PCDHGB1: variants seen among roughly 807,000 people sequenced by gnomAD.
PCDHGB1 encodes protocadherin gamma subfamily B, 1.
PCDHGB1 carries 34 observed loss-of-function variants against 56.6 expected under a neutral mutation model. That is an observed-to-expected ratio of 0.60 (90% confidence interval 0.46 to 0.80). The LOEUF (loss-of-function observed/expected upper bound fraction) is 0.80. Ranked by LOEUF, PCDHGB1 falls within the 30% of genes least tolerant of loss-of-function variation. The pLI is 0.00. For synonymous variants in PCDHGB1, 561 were observed against 505.9 expected (o/e 1.11, Z -1.46); for missense variants, 1,278 against 1,204.6 (o/e 1.06, Z -0.90).
intron 1 of PCDHGB1, chr5:141,360,586 A>G (rs1761662791): frequency 6.2e-7 from 1 of 1,613,974 alleles, no homozygotes; most frequent in Admixed American, 1.7e-5. Flanking sequence ...GCCAGGTACA[A>G]CATTTCCACT....
intron 1 of PCDHGB1, chr5:141,421,851 T>G: frequency 6.2e-7 from 1 of 1,613,714 alleles, no homozygotes; most frequent in East Asian, 2.2e-5. Context: ...AAGAGGCTGC[T>G]CACCTGCTCC....
intron 1 of PCDHGB1, chr5:141,374,195 G>T (rs1770254935): frequency 1.2e-6 from 2 of 1,613,752 alleles, no homozygotes; most frequent in East Asian, 2.2e-5. Context: ...TATTCCCGAG[G>T]AGCTGGAGAA....
intron 1 of PCDHGB1, among the ~76,000 whole-genome samples, chr5:141,445,119 T>C (rs975225604): frequency 1.3e-5 from 2 of 152,270 alleles, no homozygotes; most frequent in African/African-American, 4.8e-5. Context: ...TTGTAAATAG[T>C]ATTTTTAAAA....
At position 141,485,163 on chromosome 5, in the gene PCDHGB1, G is replaced by A. The variant is rs2099608470; in HGVS notation, c.2410-9644G>A. 14 of 1,604,624 alleles carry A rather than the reference G, an allele frequency of 8.7e-6. No individual in the cohort carries two copies. The highest frequency in any genetic ancestry group is 1.1e-5 in the Non-Finnish European group (13 of 1,172,560). ...TCTCAGGAGCAAGTAGAGAATTAGCGGGCGGCAGCAATGCTCCGCAAGGTG... is the reference window on the plus strand; with the variant it reads ...TCTCAGGAGCAAGTAGAGAATTAGCAGGCGGCAGCAATGCTCCGCAAGGTG... On this transcript the variant is annotated intron_variant, in intron 1 of 3. Coordinates refer to ENST00000523390, the MANE Select transcript of PCDHGB1 (RefSeq NM_018922.3). The surrounding 1 kb of genome is among the most constrained non-coding windows in gnomAD (Gnocchi z 5.7).
intron 1 of PCDHGB1, chr5:141,421,852 C>T: frequency 6.2e-7 from 1 of 1,613,770 alleles, no homozygotes; most frequent in South Asian, 1.1e-5. Context: ...AGAGGCTGCT[C>T]ACCTGCTCCT....
At chr5:141,361,397 C>T in intron 1 of PCDHGB1, 1 of 1,614,008 alleles carries the variant, frequency 6.2e-7, no homozygotes, top group Non-Finnish European at 8.5e-7. Flanking sequence ...TACAATCTCA[C>T]CATCACAGCC....
chr5:141,469,992 G>T (rs894673835), intron 1 of PCDHGB1, among the ~76,000 whole-genome samples: 2 of 152,056 alleles, frequency 1.3e-5, no homozygotes, highest in Non-Finnish European at 2.9e-5. Context: ...TTAGCTGGTC[G>T]TCGTGGCACG....
In PCDHGB1 at chr5:141,350,875, T is replaced by G. The variant is rs771000230; in HGVS notation, c.615T>G (p.His205Gln). The G allele has an allele frequency of 1.1e-5, 17 of 1,613,960 alleles. No homozygotes were observed. The highest frequency in any genetic ancestry group is 1.4e-5 in the Non-Finnish European group (17 of 1,179,920). Residue 205 changes from histidine (H) to glutamine (Q), a missense_variant, in exon 1 of 4, where the codon CAT (histidine) becomes CAG (glutamine). Physicochemically the swap from His to Gln is conservative, Grantham distance 24. Transcript: ENST00000523390. ...TAGACAGGGAACATCAGAGCTCTCA[T>G]CGCTTAATCCTGACTGCCATGGATG... Reference protein sequence around the residue: ...KPLDREHQSSHRLILTAMDGG... With the variant: ...KPLDREHQSSQRLILTAMDGG...
intron 2 of PCDHGB1, among the ~76,000 whole-genome samples, chr5:141,495,430 C>A (rs1189953474): frequency 6.6e-6 from 1 of 152,220 alleles, no homozygotes; most frequent in Non-Finnish European, 1.5e-5. Context: ...TCCCACTGTC[C>A]TCTGCCCCTA....
chr5:141,403,358 G>C (rs1031210052), intron 1 of PCDHGB1: 3 of 1,614,026 alleles, frequency 1.9e-6, no homozygotes, highest in Non-Finnish European at 2.5e-6. Flanking sequence ...GTTCCAGGCC[G>C]AAAGTCTGGA....
Position 141,489,629 on chromosome 5 carries a change from C to T in PCDHGB1, c.2410-5178C>T. Reference sequence around the variant, plus strand: ...GAGATCCTGGATCTCAATGACAACTCTCCTAGCTTTGCCACCCCTGAGCGA... The same window carrying T: ...GAGATCCTGGATCTCAATGACAACTTTCCTAGCTTTGCCACCCCTGAGCGA... On this transcript the variant is annotated intron_variant, in intron 1 of 3. Transcript: ENST00000523390. This position sits in a 1 kb window ranked among gnomAD's most constrained non-coding sequence, Gnocchi z 4.5. 6.2e-7 allele frequency: 1 copy of T among 1,614,142 alleles called. No homozygotes were observed. The highest frequency in any genetic ancestry group is 1.7e-5 in the Admixed American group (1 of 60,032).
At chr5:141,459,300 A>G (rs954766370) in intron 1 of PCDHGB1, among the ~76,000 whole-genome samples, 2 of 152,202 alleles carry the variant, frequency 1.3e-5, no homozygotes, top group Non-Finnish European at 2.9e-5. Context: ...ATCCTATAAC[A>G]TATACTATTT....
At chr5:141,420,558 C>T (rs1373350109) in intron 1 of PCDHGB1, 1 of 248,240 alleles carries the variant, frequency 4.0e-6, no homozygotes, top group Non-Finnish European at 7.5e-6. Flanking sequence ...TATATTTTTA[C>T]GGCATGGTAT....
chr5:141,371,143 A>T (rs199674539), intron 1 of PCDHGB1: 4 of 1,613,904 alleles, frequency 2.5e-6, no homozygotes, highest in Non-Finnish European at 3.4e-6. Context: ...TACAGGGTCA[A>T]TGTTGCAGAG....
intron 1 of PCDHGB1, chr5:141,364,466 G>A (rs1391136210): frequency 6.2e-7 from 1 of 1,613,872 alleles, no homozygotes; most frequent in African/African-American, 1.3e-5. Context: ...CTCCTTCGTC[G>A]GCAACATAGC....
At chr5:141,391,561 G>A (rs2092390304) in intron 1 of PCDHGB1, 1 of 152,026 alleles carries the variant, frequency 6.6e-6, no homozygotes, top group Non-Finnish European at 1.5e-5. Context: ...TTTTCCATAT[G>A]CATAAGAAAA....
chr5:141,375,685 C>T (rs1771752072), intron 1 of PCDHGB1: 1 of 1,614,262 alleles, frequency 6.2e-7, no homozygotes, highest in Non-Finnish European at 8.5e-7. Flanking sequence ...GGGTGACAGC[C>T]AGCGACAGCG....
intron 1 of PCDHGB1, chr5:141,409,602 C>T (rs940700383): frequency 6.2e-7 from 1 of 1,613,932 alleles, no homozygotes; most frequent in South Asian, 1.1e-5. Flanking sequence ...AACAACCCGC[C>T]AGGAGCCTCC....
intron 1 of PCDHGB1, chr5:141,413,734 C>A: frequency 6.2e-7 from 1 of 1,613,422 alleles, no homozygotes; most frequent in Non-Finnish European, 8.5e-7. Context: ...CCTAAGAGTT[C>A]AGAGCCGTGC....
Sources: gnomAD v4.1 joint callset for allele counts (sites outside exome capture counted in the v4.1 genomes callset) on GRCh38, gnomAD v4.1.1 for gene constraint, Gnocchi (gnomAD v3.1) non-coding constraint, MANE v1.5 for transcripts, NCBI Gene and HGNC (gene_info 2026-07-23, HGNC 2026-07-21) for gene names.